The following CEP164 variants were observed in gnomAD, a reference collection of about 807,000 sequenced individuals.
The protein encoded by CEP164 is centrosomal protein of 164 kDa.
CEP164 carries 162 observed loss-of-function variants against 182.7 expected under a neutral mutation model. The observed-to-expected ratio is 0.89, with a 90% CI of 0.78 to 1.01. CEP164 has a LOEUF of 1.01. Ranked by LOEUF, CEP164 falls within the 50% of genes least tolerant of loss-of-function variation. The probability of loss-of-function intolerance (pLI) is 0.00; values close to 1 mark genes in which losing one functional copy is unlikely to be tolerated. For synonymous variants in CEP164, 661 were observed against 690.0 expected, an observed-to-expected ratio of 0.96 and a Z score of 0.66; for missense variants, 1,735 against 1,790.4, an observed-to-expected ratio of 0.97 and a Z score of 0.56.
Position 117,360,118 on chromosome 11 carries a change from A to AT in CEP164, c.394-1709dup, listed in dbSNP as rs200810204. Among the ~76,000 whole-genome samples, 195 of 151,664 alleles carry AT rather than the reference A, an allele frequency of 1.3e-3. 1 individual carries two copies. The highest frequency in any genetic ancestry group is 4.1e-3 in the African/African-American group (169 of 41,320). Reference sequence around the variant, plus strand: ...AGTCCTTCTTTTGTTGCTCATGTGTATTTTTTTTGTAGTTAGTGTTGATTT... The same window carrying AT: ...AGTCCTTCTTTTGTTGCTCATGTGTATTTTTTTTTGTAGTTAGTGTTGATTT... On this transcript the variant is annotated intron_variant, in intron 5 of 32. Transcript: ENST00000278935.
At chr11:117,340,780 T>G (rs1229808088) in intron 3 of CEP164, among the ~76,000 whole-genome samples, 1 of 152,252 alleles carries the variant, frequency 6.6e-6, no homozygotes, top group Non-Finnish European at 1.5e-5. Flanking sequence ...TGTCTGGGCT[T>G]CCCAAAGTGC....
chr11:117,392,962 G>C, intron 19 of CEP164, 42 bp from the exon 20 acceptor site: 1 of 1,609,268 alleles, frequency 6.2e-7, no homozygotes, highest in Non-Finnish European at 8.5e-7. Context: ...GTGCTGGTCC[G>C]CCTCGGTTCT....
rs1184999608 is a variant in CEP164, at chr11:117,409,681, TC to T, written c.3813del (p.Ser1272AlafsTer4). On this transcript the variant is annotated frameshift_variant, in exon 30 of 33. Coordinates refer to ENST00000278935, the MANE Select transcript of CEP164 (RefSeq NM_014956.5). LOFTEE classifies it high-confidence loss of function. This position sits in a 1 kb window ranked among gnomAD's most constrained non-coding sequence, Gnocchi z 4.4. ...IHGLSHSLRQISSQLSSVLSI... is the reference protein window; with the variant it reads ...IHGLSHSLRQXSSQLSSVLSI... ...GGGCTTAGCCACTCCCTCCGGCAGA[TC>T]AGCAGCCAGCTGAGCAGTGTCCTCA... 1 of 1,613,890 alleles carries T rather than the reference TC, an allele frequency of 6.2e-7. No homozygotes were observed. The highest frequency in any genetic ancestry group is 1.3e-5 in the African/African-American group (1 of 74,858).
At chr11:117,395,313 C>G in intron 23 of CEP164, 122 bp downstream of exon 23, 1 of 1,252,740 alleles carries the variant, frequency 8.0e-7, no homozygotes, top group Non-Finnish European at 1.1e-6. Flanking sequence ...ACTCTGTTGG[C>G]CAGTATTCCA....
intron 14 of CEP164, chr11:117,385,723 G>A (rs1315365830): frequency 6.6e-6 from 1 of 152,238 alleles, no homozygotes; most frequent in African/African-American, 2.4e-5. Flanking sequence ...TCTTATATAT[G>A]CATTAATTGG....
chr11:117,371,505 C>T (rs759540477), intron 9 of CEP164, 39 bp downstream of exon 9: 114 of 1,569,782 alleles, frequency 7.3e-5, no homozygotes, highest in Non-Finnish European at 8.5e-5. Flanking sequence ...TTGGCTGTAG[C>T]CCTCTGCTGC....
intron 4 of CEP164, among the ~76,000 whole-genome samples, chr11:117,350,208 CT>C (rs55790205): frequency 0.21 from 30,629 of 145,916 alleles, 3,097 homozygotes; most frequent in Admixed American, 0.26. Context: ...CGCACCCAGC[CT>C]TTTTTTTTTT....
At chr11:117,358,186 G>T (rs1234807390) in intron 5 of CEP164, among the ~76,000 whole-genome samples, 6 of 152,202 alleles carry the variant, frequency 3.9e-5, no homozygotes, top group Non-Finnish European at 5.9e-5. Context: ...GTGGCAGTAA[G>T]TCTATCTGCT....
In CEP164 at chr11:117,412,734, C is replaced by T. The variant is rs2137017004; in HGVS notation, c.*566C>T. The T allele has an allele frequency of 6.5e-6, 1 of 154,872 alleles. No individual in the cohort carries two copies. The highest frequency in any genetic ancestry group is 2.4e-5 in the African/African-American group (1 of 41,550). 9.6% of individuals were successfully genotyped at this position (154,872 alleles called of 1,614,324 possible). ...GCCTCTTTTCTTGAGCATTCCATCT[C>T]TCTTTTTGACCCTCTCAGGACTGGG... is the stretch of plus-strand genomic sequence containing the variant. On this transcript the variant is annotated 3_prime_UTR_variant, in exon 33 of 33. Transcript: ENST00000278935.
chr11:117,398,406 G>T (rs2136540848), intron 27 of CEP164, among the ~76,000 whole-genome samples: 1 of 152,300 alleles, frequency 6.6e-6, no homozygotes, highest in Non-Finnish European at 1.5e-5. Context: ...CTACCATTCT[G>T]GGGGTCTGGA....
At chr11:117,404,587 C>T (rs1040410802) in intron 27 of CEP164, among the ~76,000 whole-genome samples, 6 of 152,196 alleles carry the variant, frequency 3.9e-5, no homozygotes, top group East Asian at 3.9e-4. Flanking sequence ...AGGTGTCTGT[C>T]GACCCCTGCT....
chr11:117,375,528 C>A (rs1204080048), intron 10 of CEP164, among the ~76,000 whole-genome samples, 180 bp from the exon 11 acceptor site: 1 of 152,216 alleles, frequency 6.6e-6, no homozygotes, highest in Non-Finnish European at 1.5e-5. Flanking sequence ...CTTGACATAT[C>A]TTTCCATTGA....
At chr11:117,368,674 C>T (rs907644738) in intron 8 of CEP164, among the ~76,000 whole-genome samples, 1 of 152,228 alleles carries the variant, frequency 6.6e-6, no homozygotes, top group South Asian at 2.1e-4. Flanking sequence ...CAACTCCCAC[C>T]TCCTTCTTGG....
intron 28 of CEP164, 91 bp from the exon 29 acceptor site, chr11:117,408,799 C>G: frequency 6.6e-7 from 1 of 1,524,512 alleles, no homozygotes; most frequent in South Asian, 1.2e-5. Flanking sequence ...AAGAACCTAG[C>G]TCAGTGTCCC....
chr11:117,397,046 G>A (rs2045568611), intron 26 of CEP164, 45 bp from the exon 27 acceptor site: 1 of 1,560,454 alleles, frequency 6.4e-7, no homozygotes, highest in East Asian at 2.3e-5. Context: ...CCAGAGCAGA[G>A]TTCTTAGAGG....
chr11:117,326,276 T>G (rs1565380959), upstream of CEP164, among the ~76,000 whole-genome samples: 1 of 152,014 alleles, frequency 6.6e-6, no homozygotes, highest in Non-Finnish European at 1.5e-5. Flanking sequence ...CAGGCTGGAC[T>G]GGAGTGCAGT....
intron 1 of CEP164, among the ~76,000 whole-genome samples, chr11:117,322,757 ATTTTTTTTTTTTTTTT>A (rs34284352): frequency 4.2e-5 from 2 of 47,732 alleles, no homozygotes; most frequent in African/African-American, 2.3e-4. Context: ...ATATAGATAG[ATTTTTTTTTTTTTTTT>A]TTTTTTTTTT....
upstream of CEP164, among the ~76,000 whole-genome samples, chr11:117,322,865 A>G (rs924500188): frequency 6.8e-6 from 1 of 146,472 alleles, no homozygotes; most frequent in East Asian, 2.0e-4. Flanking sequence ...TCCCAGGTTC[A>G]AGCAATTCTC....
chr11:117,410,850 C>G lies in CEP164; in HGVS notation c.4119C>G (p.Asn1373Lys), dbSNP rs73016324. Residue 1373 changes from asparagine (N) to lysine (K), a missense_variant, in exon 31 of 33, where the codon AAC becomes AAG. Physicochemically the swap from Asn to Lys is moderately conservative, Grantham distance 94. Transcript: ENST00000278935. ...YFPSGIPLLS[N>K]SPTPLESRLG... ...CAGCTGGCATCCCGCTGCTCAGCAA[C>G]AGCCCCACCCCGCTGGAGAGCAGGC... The G allele has an allele frequency of 6.8e-6, 11 of 1,613,006 alleles. No homozygotes were observed. Among genetic ancestry groups the G allele is most frequent in the Non-Finnish European group, 9.3e-6 (11 of 1,179,530 alleles).
Sources: allele counts gnomAD v4.1 joint callset (sites outside exome capture counted in the v4.1 genomes callset), GRCh38; gene constraint gnomAD v4.1.1; non-coding constraint Gnocchi (gnomAD v3.1); transcripts MANE v1.5; gene names NCBI Gene and HGNC (gene_info 2026-07-23, HGNC 2026-07-21).